Variants in GALNT9 observed in about 807,000 individuals in gnomAD.
GALNT9 encodes the protein GalNAc transferase 9.
In GALNT9, 47 loss-of-function variants were observed where a neutral mutation model predicts 63.1. That is an observed-to-expected ratio of 0.75 (90% confidence interval 0.59 to 0.95). The LOEUF is 0.95. GALNT9 is among the 40% of genes least tolerant of loss of function. The pLI, the probability that GALNT9 is intolerant of heterozygous loss-of-function variation, is 0.00. For synonymous variants in GALNT9, 396 were observed against 365.7 expected (o/e 1.08, Z -0.94); for missense variants, 829 against 874.8 (o/e 0.95, Z 0.66).
intron 1 of GALNT9, among the ~76,000 whole-genome samples, chr12:132,287,004 A>T (rs1356730340): frequency 6.7e-6 from 1 of 149,874 alleles, no homozygotes; most frequent in African/African-American, 2.5e-5. Context: ...GCACTGGCCA[A>T]TACTTGTTCT....
At chr12:132,197,395 AC>A in intron 10 of GALNT9, 142 bp from the exon 11 acceptor site, 1 of 1,256,982 alleles carries the variant, frequency 8.0e-7, no homozygotes, top group Non-Finnish European at 1.1e-6. Context: ...TCACAGCAGC[AC>A]CCAGGGGGGC....
rs782518576 is a variant in GALNT9 at position 132,319,383 on chromosome 12, C to T, written c.238+9583G>A. ...TCCCTCTGCTCCTGCCTGTGGACAT[C>T]GGGTGGAGCTGCCAGGTCTCGGGCC... On this transcript the variant is annotated intron_variant, in intron 1 of 10. Transcript: ENST00000328957. The surrounding 1 kb of genome is among the most constrained non-coding windows in gnomAD (Gnocchi z 5.2). Among the ~76,000 whole-genome samples the T allele has an allele frequency of 2.0e-5, 3 of 152,118 alleles. No homozygotes were observed. Among genetic ancestry groups the T allele is most frequent in the African/African-American group, 4.8e-5 (2 of 41,440 alleles).
At position 132,197,078 on chromosome 12, in the gene GALNT9, G is replaced by A. The variant is rs1434259322; in HGVS notation, c.*29C>T. ...CTGGCTCGGCCCAGCGCCTTCCCGA[G>A]GTCTGTGGGGGTCCGGGCGGAGGTG... is the stretch of plus-strand genomic sequence containing the variant. On this transcript the variant is annotated 3_prime_UTR_variant, in exon 11 of 11. Transcript: ENST00000328957. The A allele has an allele frequency of 1.2e-6, 2 of 1,612,228 alleles. No homozygotes were observed. Among genetic ancestry groups the A allele is most frequent in the Non-Finnish European group, 1.7e-6 (2 of 1,178,836 alleles).
At chr12:132,247,407 C>T (rs546133253) in intron 6 of GALNT9, 1 of 349,328 alleles carries the variant, frequency 2.9e-6, no homozygotes, top group African/African-American at 2.1e-5. Context: ...TGCCACTGAG[C>T]TTCTAGCAAG....
chr12:132,320,084 A>G (rs1409566186), intron 1 of GALNT9, among the ~76,000 whole-genome samples: 3 of 152,254 alleles, frequency 2.0e-5, no homozygotes, highest in Non-Finnish European at 4.4e-5. Context: ...CTCAGCTGCT[A>G]ACAGGGCTGG....
chr12:132,268,403 G>A (rs1480042642), intron 2 of GALNT9, among the ~76,000 whole-genome samples: 2 of 152,118 alleles, frequency 1.3e-5, no homozygotes, highest in South Asian at 4.1e-4. Context: ...AACCCAGAAC[G>A]GATCATTGAC....
chr12:132,241,172 C>G (rs1878315858), intron 6 of GALNT9, among the ~76,000 whole-genome samples: 1 of 132,994 alleles, frequency 7.5e-6, no homozygotes, highest in Admixed American at 7.5e-5. Context: ...GCCACACCCC[C>G]TTCCCAGGGC....
At chr12:132,198,930 C>T (rs1330238740) in intron 9 of GALNT9, among the ~76,000 whole-genome samples, 3 of 152,124 alleles carry the variant, frequency 2.0e-5, no homozygotes, top group African/African-American at 4.8e-5. Context: ...AGATGACAGG[C>T]GTGAGCCACT....
At chr12:132,289,611 G>T (rs1880732664) in intron 1 of GALNT9, among the ~76,000 whole-genome samples, 1 of 152,214 alleles carries the variant, frequency 6.6e-6, no homozygotes, top group South Asian at 2.1e-4. Context: ...CTTGCATGGG[G>T]GTTAGGGGAC....
chr12:132,318,536 C>T (rs1334363518), intron 1 of GALNT9, among the ~76,000 whole-genome samples: 2 of 152,256 alleles, frequency 1.3e-5, no homozygotes, highest in African/African-American at 2.4e-5. Flanking sequence ...GCAGCATCCA[C>T]GCTTGAACCC....
At position 132,236,738 on chromosome 12, in the gene GALNT9, C is replaced by T. The variant is rs1323930928; in HGVS notation, c.1077+11172G>A. Reference sequence around the variant, plus strand: ...GCCTGGCCTCGGCCAGCCACGCCTCCTGGGGGTCTCCCGTGTCTAAGTCTT... The same window carrying T: ...GCCTGGCCTCGGCCAGCCACGCCTCTTGGGGGTCTCCCGTGTCTAAGTCTT... On this transcript the variant is annotated intron_variant, in intron 6 of 10. Transcript: ENST00000328957. This position sits in a 1 kb window ranked among gnomAD's most constrained non-coding sequence, Gnocchi z 5.6. Among the ~76,000 whole-genome samples the T allele has an allele frequency of 1.3e-5, 2 of 152,218 alleles. No individual in the cohort carries two copies. The highest frequency in any genetic ancestry group is 2.9e-5 in the Non-Finnish European group (2 of 68,034).
intron 6 of GALNT9, among the ~76,000 whole-genome samples, chr12:132,235,285 G>C (rs939701263): frequency 3.3e-5 from 5 of 152,196 alleles, no homozygotes; most frequent in African/African-American, 9.7e-5. Flanking sequence ...TGAGGAGCCG[G>C]GTGCGGTGGG....
chr12:132,244,260 G>T (rs1555237804), intron 6 of GALNT9, among the ~76,000 whole-genome samples: 1 of 73,356 alleles, frequency 1.4e-5, no homozygotes, highest in Non-Finnish European at 2.6e-5. Context: ...GGGGCTAGAC[G>T]GGGGATGTGG....
chr12:132,229,433 G>A (rs985571658), intron 6 of GALNT9, among the ~76,000 whole-genome samples: 8 of 152,220 alleles, frequency 5.3e-5, no homozygotes, highest in African/African-American at 1.7e-4. Flanking sequence ...CGCCCCACCC[G>A]TCCTGCCCTG....
At chr12:132,313,292 CCCATCCACCCATCCATTCACACACCAAT>C (rs1477317869) in intron 1 of GALNT9, among the ~76,000 whole-genome samples, 1 of 147,008 alleles carries the variant, frequency 6.8e-6, no homozygotes, top group Non-Finnish European at 1.5e-5. Context: ...CACCCACCTA[CCCATCCACCCATCCATTCACACACCAAT>C]CCATCCACCC....
chr12:132,317,165 C>T (rs74754330), intron 1 of GALNT9, among the ~76,000 whole-genome samples: 1 of 128,354 alleles, frequency 7.8e-6, no homozygotes, highest in African/African-American at 3.9e-5. Flanking sequence ...GAGCACGGCC[C>T]CATCCTACAC....
intron 1 of GALNT9, among the ~76,000 whole-genome samples, chr12:132,313,959 C>A: frequency 7.9e-6 from 1 of 126,314 alleles, no homozygotes; most frequent in Non-Finnish European, 1.7e-5. Flanking sequence ...CCCATCCATC[C>A]ACCCATCCAT....
Position 132,248,045 on chromosome 12 carries a change from C to A in GALNT9, c.960-18G>T. 3 of 1,542,348 alleles carry A rather than the reference C, an allele frequency of 1.9e-6. No homozygotes were observed. The highest frequency in any genetic ancestry group is 1.4e-5 in the African/African-American group (1 of 73,134). ...CTGGGGTCCTGGGAGGCAGAGACAG[C>A]GGCGTGAGGACCTCGCCATGCAGGC... is the stretch of plus-strand genomic sequence containing the variant. On this transcript the variant is annotated intron_variant, in intron 5 of 10. Transcript: ENST00000328957.
intron 2 of GALNT9, among the ~76,000 whole-genome samples, chr12:132,281,241 G>A (rs1880330352): frequency 6.6e-6 from 1 of 152,250 alleles, no homozygotes; most frequent in Non-Finnish European, 1.5e-5. Context: ...TGTGAGGGCT[G>A]TTGCACGTGA....
Sources: allele counts gnomAD v4.1 joint callset (sites outside exome capture counted in the v4.1 genomes callset), GRCh38; gene constraint gnomAD v4.1.1; non-coding constraint Gnocchi (gnomAD v3.1); transcripts MANE v1.5; gene names NCBI Gene and HGNC (gene_info 2026-07-23, HGNC 2026-07-21).